The following EMC1 variants were observed in gnomAD, a reference collection of about 807,000 sequenced individuals.
The protein encoded by EMC1 is KIAA0090.
In EMC1, 103 loss-of-function variants were observed where a neutral mutation model predicts 128.8. The ratio of observed to expected loss-of-function variants is 0.80; its 90% CI spans 0.68 to 0.94. EMC1 has a LOEUF of 0.94. Among genes scored for constraint, EMC1 ranks in the 40% least tolerant of loss-of-function variants. The pLI, the probability that EMC1 is intolerant of heterozygous loss-of-function variation, is 0.00. For missense variants in EMC1, 1,083 were observed against 1,250.6 expected (o/e 0.87, Z 2.02); for synonymous variants, 442 against 490.4 (o/e 0.90, Z 1.30).
chr1:19,231,166 G>A, intron 16 of EMC1, 95 bp downstream of exon 16: 1 of 1,410,822 alleles, frequency 7.1e-7, no homozygotes, highest in Non-Finnish European at 9.7e-7. Flanking sequence ...CGTGCTGGGT[G>A]CAGAGAGCAC....
chr1:19,243,744 C>A, intron 3 of EMC1, 37 bp from the exon 4 acceptor site: 1 of 1,604,628 alleles, frequency 6.2e-7, no homozygotes, highest in Non-Finnish European at 8.5e-7. Flanking sequence ...TCATTTCCCA[C>A]TTGCTCTGTC....
At chr1:19,245,963 C>T (rs183963874) in intron 1 of EMC1, among the ~76,000 whole-genome samples, 2 of 152,144 alleles carry the variant, frequency 1.3e-5, no homozygotes, top group Admixed American at 6.6e-5. Flanking sequence ...AGAGCAAGCA[C>T]CTCCTTTGTA....
rs1242026586 is a variant in EMC1 at position 19,231,340 on chromosome 1, G to A, written c.1865C>T (p.Pro622Leu). Reference protein sequence around the residue: ...SQVAPPVLKRPILQSLLLPVM... With the variant: ...SQVAPPVLKRLILQSLLLPVM... ...TGGGAGAAGCAAGGACTGCAAGATGGGGCGCTTCAGCACTGGGGGAGCTAC... is the reference window on the plus strand; with the variant it reads ...TGGGAGAAGCAAGGACTGCAAGATGAGGCGCTTCAGCACTGGGGGAGCTAC... The change falls in exon 16 of 23, where the codon CCC becomes CTC. Residue 622 changes from proline to leucine, a missense_variant. Physicochemically the swap from Pro to Leu is moderately conservative, Grantham distance 98. Coordinates refer to ENST00000477853, the MANE Select transcript of EMC1 (RefSeq NM_015047.3). 15 of 1,611,774 alleles carry A rather than the reference G, an allele frequency of 9.3e-6. No individual in the cohort carries two copies. Among genetic ancestry groups the A allele is most frequent in the Non-Finnish European group, 1.3e-5 (15 of 1,179,502 alleles).
Position 19,223,560 on chromosome 1 carries a change from G to C in EMC1, c.2212C>G (p.Pro738Ala), listed in dbSNP as rs766462471. Reference sequence around the variant, plus strand: ...TCTGTCACCACGGCCAGCAGGTTGGGGTTCAGGCTCTGGAGAGAGAGAGAA... The same window carrying C: ...TCTGTCACCACGGCCAGCAGGTTGGCGTTCAGGCTCTGGAGAGAGAGAGAA... ...DRSVLYKSLN[P>A]NLLAVVTEST... The change falls in exon 19 of 23, where the codon CCC becomes GCC. Residue 738 changes from proline to alanine, a missense_variant. By Grantham distance (27) the Pro-to-Ala change is conservative. Around this residue, in one of 3 missense-constraint regions of EMC1, gnomAD observed 527 missense variants for 644.1 expected, o/e 0.82. Transcript: ENST00000477853. The C allele has an allele frequency of 5.6e-6, 9 of 1,613,788 alleles. No individual in the cohort carries two copies. The highest frequency in any genetic ancestry group is 2.2e-5 in the East Asian group (1 of 44,886).
chr1:19,246,695 G>A (rs910788665), intron 1 of EMC1, among the ~76,000 whole-genome samples: 7 of 152,088 alleles, frequency 4.6e-5, no homozygotes, highest in Admixed American at 2.6e-4. Flanking sequence ...CAGGAAAATC[G>A]TTTGAACCCT....
intron 18 of EMC1, among the ~76,000 whole-genome samples, chr1:19,224,136 C>G (rs2093453388): frequency 6.6e-6 from 1 of 152,204 alleles, no homozygotes; most frequent in Admixed American, 6.5e-5. Flanking sequence ...TTCTCAGTCT[C>G]TTTTGGAGGT....
chr1:19,220,697 C>T (rs1030128918), intron 21 of EMC1, 67 bp downstream of exon 21: 4 of 1,302,466 alleles, frequency 3.1e-6, no homozygotes, highest in Non-Finnish European at 4.3e-6. Flanking sequence ...GACCAAGAAC[C>T]AAGCTTAATC....
intron 20 of EMC1, 145 bp from the exon 21 acceptor site, chr1:19,220,993 A>C: frequency 1.8e-6 from 1 of 544,232 alleles, no homozygotes; most frequent in Non-Finnish European, 3.4e-6. Context: ...AAAAATAATA[A>C]TCCAATGATA....
intron 3 of EMC1, 94 bp from the exon 4 acceptor site, chr1:19,243,801 G>A: frequency 6.9e-7 from 1 of 1,456,586 alleles, no homozygotes; most frequent in Non-Finnish European, 9.6e-7. Flanking sequence ...TCTGATTTCT[G>A]GATGCAAATA....
rs1553250515 is a variant in EMC1, at chr1:19,216,244, C to CAAAAAAAAAAAAAAA, written c.*3058_*3059insTTTTTTTTTTTTTTT. 2 of 98,106 alleles carry CAAAAAAAAAAAAAAA rather than the reference C, an allele frequency of 2.0e-5. No homozygotes were observed. The highest frequency in any genetic ancestry group is 1.1e-4 in the Admixed American group (1 of 9,038). 6.1% of individuals were successfully genotyped at this position (98,106 alleles called of 1,614,324 possible). The stretch of plus-strand genomic sequence containing the variant: ...AGAGACCCTGCCTCCAAAAAAAAAG[C>CAAAAAAAAAAAAAAA]AATTTATAAAGGCAGTGAAATTACA... On this transcript the variant is annotated 3_prime_UTR_variant, in exon 23 of 23. Transcript: ENST00000477853.
chr1:19,230,448 T>A (rs112786697), intron 17 of EMC1, among the ~76,000 whole-genome samples: 5,827 of 152,138 alleles, frequency 0.038, 345 homozygotes, highest in African/African-American at 0.13. Context: ...CGCACGCCTG[T>A]AATCCCAGCT....
chr1:19,232,127 T>C lies in EMC1; in HGVS notation c.1782+497A>G, dbSNP rs146402391. 9.7e-3 allele frequency among the ~76,000 whole-genome samples: 1,480 copies of C among 152,246 alleles called. 20 individuals are homozygous for C. The highest frequency in any genetic ancestry group is 0.014 in the Non-Finnish European group (975 of 68,004). On this transcript the variant is annotated intron_variant, in intron 15 of 22. Transcript: ENST00000477853. ...ACATACAAAAATCAGCCGGGCATGA[T>C]GGCGTGTGCCTGTAATCCCAGCTAC...
intron 1 of EMC1, among the ~76,000 whole-genome samples, chr1:19,246,119 A>C (rs570368492): frequency 9.7e-4 from 148 of 152,192 alleles, no homozygotes; most frequent in African/African-American, 3.3e-3. Flanking sequence ...GGCCAGGCGC[A>C]GTGGCTCACG....
Position 19,243,484 on chromosome 1 carries a change from C to A in EMC1, c.380+130G>T, listed in dbSNP as rs540413696. ...TGAGCAAGCATATCCACAATGGGTA[C>A]TCAATGTCAATGGCTGGCTCTTCAG... On this transcript the variant is annotated intron_variant, in intron 4 of 22. Transcript: ENST00000477853. The A allele has an allele frequency of 4.5e-5, 35 of 780,922 alleles. 1 individual carries two copies. Among genetic ancestry groups the A allele is most frequent in the South Asian group, 4.1e-4 (27 of 66,254 alleles). 48.4% of individuals were successfully genotyped at this position (780,922 alleles called of 1,614,324 possible). A position where few individuals can be genotyped will look rare whatever the true frequency, so the allele number is the denominator to read the frequency against.
At chr1:19,234,196 C>T (rs2093545957) in intron 13 of EMC1, 1 of 984,982 alleles carries the variant, frequency 1.0e-6, no homozygotes, top group Non-Finnish European at 1.2e-6. Flanking sequence ...TTGCTGGATC[C>T]AGGCAGCAGA....
Position 19,219,251 on chromosome 1 carries a change from T to C in EMC1, c.*52A>G. On this transcript the variant is annotated 3_prime_UTR_variant, in exon 23 of 23. Transcript: ENST00000477853. Reference sequence around the variant, plus strand: ...CCACCAAACTGCAGCTGTAGCTGCTTATCTGACCCACACTCCCCTGGCTCT... The same window carrying C: ...CCACCAAACTGCAGCTGTAGCTGCTCATCTGACCCACACTCCCCTGGCTCT... 6.3e-7 allele frequency: 1 copy of C among 1,588,704 alleles called. No individual in the cohort carries two copies. The highest frequency in any genetic ancestry group is 8.6e-7 in the Non-Finnish European group (1 of 1,159,064).
chr1:19,239,016 T>A (rs2093587199), intron 9 of EMC1, among the ~76,000 whole-genome samples, 159 bp from the exon 10 acceptor site: 1 of 152,184 alleles, frequency 6.6e-6, no homozygotes, highest in South Asian at 2.1e-4. Context: ...TAGCCCCATA[T>A]GAAAGTAAGG....
chr1:19,237,405 C>T (rs2093573586), intron 11 of EMC1, among the ~76,000 whole-genome samples, 167 bp from the exon 12 acceptor site: 1 of 152,164 alleles, frequency 6.6e-6, no homozygotes, highest in East Asian at 1.9e-4. Flanking sequence ...GATACATATT[C>T]TTAGGAGCCA....
chr1:19,233,221 C>T (rs2093537909), intron 13 of EMC1, 86 bp from the exon 14 acceptor site: 1 of 1,203,022 alleles, frequency 8.3e-7, no homozygotes. Context: ...GGATCTCTGC[C>T]TCTCCTCTGG....
Sources: gnomAD v4.1 joint callset for allele counts (sites outside exome capture counted in the v4.1 genomes callset) on GRCh38, gnomAD v4.1.1 for gene constraint, gnomAD v4.1.1 regional missense constraint, MANE v1.5 for transcripts, NCBI Gene and HGNC (gene_info 2026-07-23, HGNC 2026-07-21) for gene names.